Variants in SAMD13 observed in about 807,000 individuals in gnomAD.
SAMD13 encodes sterile alpha motif domain containing 13.
Under a neutral mutation model 12.4 loss-of-function variants are expected in SAMD13, and 9 were observed. The observed-to-expected ratio is 0.72, with a 90% CI of 0.44 to 1.26. SAMD13 has a LOEUF of 1.26. Ranked by LOEUF, SAMD13 falls within the 50% of genes most tolerant of loss-of-function variation. The probability of loss-of-function intolerance (pLI) is 0.00; values close to 1 mark genes in which losing one functional copy is unlikely to be tolerated. For synonymous variants in SAMD13, 46 were observed against 45.4 expected (o/e 1.01, Z -0.05); for missense variants, 84 against 119.6 (o/e 0.70, Z 1.39).
chr1:84,326,944 C>G (rs1679073694), intron 3 of SAMD13, among the ~76,000 whole-genome samples: 1 of 152,058 alleles, frequency 6.6e-6, no homozygotes, highest in South Asian at 2.1e-4. Flanking sequence ...TTCTTCATAC[C>G]TACCAGAAGA....
chr1:84,298,547 C>T (rs568902357), upstream of SAMD13: 40 of 1,268,214 alleles, frequency 3.2e-5, no homozygotes, highest in South Asian at 1.4e-3. Flanking sequence ...GGCAAACCTC[C>T]CGGCGCGGCC....
Position 84,301,843 on chromosome 1 carries a change from GTAATAA to G in SAMD13, c.-33+49_-33+54del, listed in dbSNP as rs201016147. ...CTCTTCCACAGAAAAGAAAATAATA[GTAATAA>G]TAATAAGACAATGTAGTGTGGTGTT... is the stretch of plus-strand genomic sequence containing the variant. On this transcript the variant is annotated intron_variant, in intron 1 of 3. Transcript: ENST00000394834. The G allele has an allele frequency of 2.0e-3, 1,658 of 812,572 alleles. 32 individuals are homozygous for G. The highest frequency in any genetic ancestry group is 2.3e-3 in the South Asian group (41 of 17,756). 50.3% of individuals were successfully genotyped at this position (812,572 alleles called of 1,614,324 possible).
chr1:84,349,032 A>G (rs1679593349), intron 3 of SAMD13, among the ~76,000 whole-genome samples: 1 of 152,340 alleles, frequency 6.6e-6, no homozygotes, highest in South Asian at 2.1e-4. Context: ...TCTAGTCCCC[A>G]TCGGACCATC....
intron 3 of SAMD13, among the ~76,000 whole-genome samples, chr1:84,331,328 T>TAA (rs1178046260): frequency 0.01 from 157 of 15,174 alleles, 9 homozygotes; most frequent in African/African-American, 0.033. Flanking sequence ...CCCTCCTTGG[T>TAA]AAAAAAAAAA....
intron 3 of SAMD13, among the ~76,000 whole-genome samples, chr1:84,348,826 T>G (rs948228627): frequency 1.3e-5 from 2 of 152,146 alleles, no homozygotes; most frequent in African/African-American, 2.4e-5. Flanking sequence ...GGCAGGGCCC[T>G]ACCCCTCACT....
intron 3 of SAMD13, among the ~76,000 whole-genome samples, chr1:84,346,378 C>T (rs1217457285): frequency 6.6e-6 from 1 of 152,142 alleles, no homozygotes; most frequent in East Asian, 1.9e-4. Flanking sequence ...TTGTTTATTG[C>T]CCAACGGGAA....
intron 3 of SAMD13, among the ~76,000 whole-genome samples, chr1:84,328,267 C>G (rs1679101430): frequency 6.6e-6 from 1 of 152,216 alleles, no homozygotes; most frequent in Admixed American, 6.5e-5. Context: ...CCAATGGACA[C>G]TGGGAACCAT....
At chr1:84,325,110 C>A (rs1246296508) in intron 2 of SAMD13, among the ~76,000 whole-genome samples, 3 of 152,166 alleles carry the variant, frequency 2.0e-5, no homozygotes, top group Non-Finnish European at 1.5e-5. Context: ...ATGACTAAAA[C>A]ACACCCTTGG....
At chr1:84,339,011 G>C (rs542553872) in intron 3 of SAMD13, among the ~76,000 whole-genome samples, 19 of 152,286 alleles carry the variant, frequency 1.2e-4, no homozygotes, top group Non-Finnish European at 2.1e-4. Context: ...AGATCAGTTT[G>C]ATTCTTCTTA....
upstream of SAMD13, among the ~76,000 whole-genome samples, chr1:84,301,129 C>T (rs1678446828): frequency 6.6e-6 from 1 of 152,188 alleles, no homozygotes. Context: ...ATCTATTTTG[C>T]ATCCTTTCCG....
chr1:84,298,562 G>T (rs554635247), upstream of SAMD13: 47 of 1,278,824 alleles, frequency 3.7e-5, no homozygotes, highest in African/African-American at 5.2e-4. Flanking sequence ...GCGGCCATGC[G>T]GGGAGGTAAG....
intron 2 of SAMD13, among the ~76,000 whole-genome samples, chr1:84,311,782 C>A (rs536212930): frequency 6.6e-6 from 1 of 152,216 alleles, no homozygotes; most frequent in African/African-American, 2.4e-5. Context: ...TTTTGTATAT[C>A]TAGCTAAAAT....
chr1:84,328,375 C>A (rs1286683802), intron 3 of SAMD13, among the ~76,000 whole-genome samples: 1 of 152,184 alleles, frequency 6.6e-6, no homozygotes, highest in Admixed American at 6.5e-5. Context: ...AACTCGGAAG[C>A]CTGAGAAATG....
chr1:84,324,536 T>G (rs1408708465), intron 2 of SAMD13, among the ~76,000 whole-genome samples: 2 of 152,212 alleles, frequency 1.3e-5, no homozygotes, highest in Admixed American at 6.5e-5. Flanking sequence ...GTATGATTAT[T>G]GATCAGTGTC....
chr1:84,339,804 T>G (rs1679385991), intron 3 of SAMD13, among the ~76,000 whole-genome samples: 1 of 152,172 alleles, frequency 6.6e-6, no homozygotes, highest in African/African-American at 2.4e-5. Context: ...GAGAGTTCTC[T>G]TCTAAGAGAG....
chr1:84,299,762 T>G (rs77875525), upstream of SAMD13: 5,055 of 428,558 alleles, frequency 0.012, 229 homozygotes, highest in African/African-American at 0.094. Context: ...GTTGTCATAA[T>G]TTAGAGTGTC....
At chr1:84,304,105 G>A (rs899535518) in intron 2 of SAMD13, 4 of 152,186 alleles carry the variant, frequency 2.6e-5, no homozygotes, top group African/African-American at 7.2e-5. Flanking sequence ...CATAGAAGCT[G>A]TGATATCTAA....
At chr1:84,322,773 G>C (rs560342148) in intron 2 of SAMD13, among the ~76,000 whole-genome samples, 1 of 151,982 alleles carries the variant, frequency 6.6e-6, no homozygotes, top group East Asian at 1.9e-4. Flanking sequence ...CCCGTTCCAC[G>C]TTGCTGCTAT....
rs144519916 is a variant in SAMD13 at position 84,321,469 on chromosome 1, A to G, written c.54-4168A>G. ...TTTTGCTATGACGTTAGTGAATAAT[A>G]AATATCAAATGAAAGGGGCACTTTT... On this transcript the variant is annotated intron_variant, in intron 2 of 3. Coordinates refer to ENST00000394834, the MANE Select transcript of SAMD13 (RefSeq NM_001134663.2). 1.0e-3 allele frequency among the ~76,000 whole-genome samples: 154 copies of G among 152,308 alleles called. 3 individuals are homozygous for G. In the East Asian group the frequency reaches 0.028, roughly 27 times the overall value.
Sources: allele counts gnomAD v4.1 joint callset (sites outside exome capture counted in the v4.1 genomes callset), GRCh38; gene constraint gnomAD v4.1.1; transcripts MANE v1.5; gene names NCBI Gene and HGNC (gene_info 2026-07-23, HGNC 2026-07-21).